The following SV2C variants were observed in gnomAD, a reference collection of about 807,000 sequenced individuals.
SV2C encodes solute carrier family 22 member B3.
SV2C carries 49 observed loss-of-function variants against 79.7 expected under a neutral mutation model. The observed-to-expected ratio is 0.61, with a 90% CI of 0.49 to 0.78. The LOEUF is 0.78. Ranked by LOEUF, SV2C falls within the 30% of genes least tolerant of loss-of-function variation. The pLI is 0.00. For synonymous variants in SV2C, 334 were observed against 333.2 expected (o/e 1.00, Z -0.03); for missense variants, 833 against 912.9 (o/e 0.91, Z 1.13).
At chr5:76,147,125 C>T (rs943598784) in intron 2 of SV2C, among the ~76,000 whole-genome samples, 9 of 152,096 alleles carry the variant, frequency 5.9e-5, no homozygotes, top group Admixed American at 1.3e-4. Flanking sequence ...AAGTTTTGGA[C>T]ATAGGCAATG....
intron 12 of SV2C, among the ~76,000 whole-genome samples, chr5:76,318,385 T>G (rs1015910666): frequency 2.6e-5 from 4 of 151,766 alleles, no homozygotes; most frequent in African/African-American, 9.7e-5. Context: ...GCCACTGCAC[T>G]CCAGCCTGGG....
At chr5:76,084,937 C>G (rs1312969098) in intron 1 of SV2C, among the ~76,000 whole-genome samples, 1 of 152,088 alleles carries the variant, frequency 6.6e-6, no homozygotes, top group Non-Finnish European at 1.5e-5. Flanking sequence ...GCCGCAGCTA[C>G]CGGGCGCTCC....
chr5:75,864,798 T>G, the SV2C span, among the ~76,000 whole-genome samples: 1 of 152,338 alleles, frequency 6.6e-6, no homozygotes, highest in South Asian at 2.1e-4. Context: ...GATTGGCTGA[T>G]AGCCTTTTGG....
At chr5:75,945,315 TTCTC>T in the SV2C span, among the ~76,000 whole-genome samples, 6 of 151,482 alleles carry the variant, frequency 4.0e-5, no homozygotes, top group East Asian at 1.9e-4. Context: ...ATTATTATTT[TTCTC>T]TCTCTCTTTT....
chr5:76,194,166 C>T (rs1393224), intron 2 of SV2C, among the ~76,000 whole-genome samples: 1 of 151,862 alleles, frequency 6.6e-6, no homozygotes, highest in African/African-American at 2.4e-5. Flanking sequence ...AGGGGATAGG[C>T]GAGGCTTTGT....
chr5:76,349,022 T>C (rs1042221649), intron 12 of SV2C, among the ~76,000 whole-genome samples: 5 of 151,510 alleles, frequency 3.3e-5, no homozygotes, highest in Non-Finnish European at 5.9e-5. Flanking sequence ...AGAACATGGA[T>C]GCTAGAGCCA....
chr5:76,248,341 GC>G (rs1338031305), intron 4 of SV2C, among the ~76,000 whole-genome samples: 2 of 152,104 alleles, frequency 1.3e-5, no homozygotes, highest in African/African-American at 4.8e-5. Context: ...TCTTTCCCTG[GC>G]TTTTAGATGG....
chr5:76,126,158 T>C (rs1458551974), intron 1 of SV2C, among the ~76,000 whole-genome samples: 1 of 152,170 alleles, frequency 6.6e-6, no homozygotes, highest in African/African-American at 2.4e-5. Context: ...TCACATGTAT[T>C]GGTGAGCATA....
the SV2C span, among the ~76,000 whole-genome samples, chr5:76,019,754 G>A: frequency 6.6e-6 from 1 of 152,106 alleles, no homozygotes; most frequent in African/African-American, 2.4e-5. Context: ...CCATACAATT[G>A]GGGAAAACTA....
At chr5:75,944,662 G>T in the SV2C span, among the ~76,000 whole-genome samples, 3 of 152,116 alleles carry the variant, frequency 2.0e-5, no homozygotes, top group Non-Finnish European at 2.9e-5. Context: ...ACTAAGGACA[G>T]GCTAATATAT....
chr5:75,936,111 G>C, the SV2C span, among the ~76,000 whole-genome samples: 2 of 152,290 alleles, frequency 1.3e-5, no homozygotes, highest in South Asian at 4.1e-4. Context: ...AGAATTAAGG[G>C]AGTTTATTGA....
At chr5:76,066,696 G>T in the SV2C span, among the ~76,000 whole-genome samples, 3 of 151,666 alleles carry the variant, frequency 2.0e-5, no homozygotes, top group African/African-American at 7.3e-5. Context: ...ACTGAACTGA[G>T]GTTCACATGA....
chr5:75,939,743 A>G, the SV2C span, among the ~76,000 whole-genome samples: 1 of 152,136 alleles, frequency 6.6e-6, no homozygotes, highest in South Asian at 2.1e-4. Flanking sequence ...GTTGACTCCC[A>G]AATCTACCCT....
At chr5:75,869,730 T>G in the SV2C span, among the ~76,000 whole-genome samples, 1 of 152,292 alleles carries the variant, frequency 6.6e-6, no homozygotes, top group East Asian at 1.9e-4. Context: ...GCTTCAGATC[T>G]GACCTGCCAC....
chr5:76,055,515 A>T, the SV2C span, among the ~76,000 whole-genome samples: 14 of 151,868 alleles, frequency 9.2e-5, no homozygotes, highest in African/African-American at 3.4e-4. Flanking sequence ...TTTAAAGTAG[A>T]TTTTTCTAAT....
intron 2 of SV2C, among the ~76,000 whole-genome samples, chr5:76,182,693 C>T (rs1743773930): frequency 6.6e-6 from 1 of 152,194 alleles, no homozygotes; most frequent in South Asian, 2.1e-4. Flanking sequence ...GTGACCTGCC[C>T]TAGTCCTGGT....
At chr5:75,903,206 A>AG in the SV2C span, among the ~76,000 whole-genome samples, 1 of 152,148 alleles carries the variant, frequency 6.6e-6, no homozygotes, top group South Asian at 2.1e-4. Context: ...ATAAGAGCAT[A>AG]GAATGTCAGG....
At chr5:76,305,104 G>T (rs246811) in intron 12 of SV2C, among the ~76,000 whole-genome samples, 40,572 of 151,884 alleles carry the variant, frequency 0.27, 9,061 homozygotes, top group African/African-American at 0.61. Context: ...AACAACCATA[G>T]CTCACAGGAA....
At chr5:76,344,733 T>A (rs1044555486) in intron 12 of SV2C, among the ~76,000 whole-genome samples, 9 of 152,136 alleles carry the variant, frequency 5.9e-5, no homozygotes, top group Non-Finnish European at 1.0e-4. Flanking sequence ...AAATAATTTT[T>A]AAAAAATTAT....
Sources: gnomAD v4.1 joint callset for allele counts (sites outside exome capture counted in the v4.1 genomes callset) on GRCh38, gnomAD v4.1.1 for gene constraint, MANE v1.5 for transcripts, NCBI Gene and HGNC (gene_info 2026-07-23, HGNC 2026-07-21) for gene names.